SCAI: variants seen among roughly 807,000 people sequenced by gnomAD.
SCAI encodes the protein suppressor of cancer cell invasion, also known as protein SCAI.
A neutral mutation model predicts 92.2 loss-of-function variants in SCAI; 24 were observed. The observed-to-expected ratio is 0.26, with a 90% CI of 0.19 to 0.37. The LOEUF is 0.37. Among genes scored for constraint, SCAI ranks in the 10% least tolerant of loss-of-function variants. The pLI is 1.00. For synonymous variants in SCAI, 261 were observed against 258.6 expected (o/e 1.01, Z -0.09); for missense variants, 450 against 736.2 (o/e 0.61, Z 4.50).
At chr9:125,022,157 C>T (rs1404614391) in intron 6 of SCAI, among the ~76,000 whole-genome samples, 3 of 151,994 alleles carry the variant, frequency 2.0e-5, no homozygotes, top group Non-Finnish European at 2.9e-5. Context: ...TTCCCATGTA[C>T]ATCAGATCAT....
intron 3 of SCAI, among the ~76,000 whole-genome samples, chr9:125,031,725 A>G (rs1833078199): frequency 6.6e-6 from 1 of 152,116 alleles, no homozygotes; most frequent in Non-Finnish European, 1.5e-5. Flanking sequence ...TAAAGGTCCT[A>G]TATTTCCTGG....
At chr9:125,140,901 G>A (rs972299) in intron 2 of SCAI, among the ~76,000 whole-genome samples, 67,223 of 151,034 alleles carry the variant, frequency 0.45, 15,272 homozygotes, top group East Asian at 0.53. Context: ...CTAAAATATT[G>A]TCTCACTATG....
intron 2 of SCAI, among the ~76,000 whole-genome samples, chr9:125,087,907 A>G (rs996625301): frequency 2.6e-5 from 4 of 152,220 alleles, no homozygotes; most frequent in Non-Finnish European, 5.9e-5. Context: ...GTGAGTGTGG[A>G]TATACACAAA....
intron 2 of SCAI, among the ~76,000 whole-genome samples, chr9:125,131,763 T>G (rs1399650413): frequency 6.6e-6 from 1 of 152,234 alleles, no homozygotes; most frequent in Non-Finnish European, 1.5e-5. Flanking sequence ...CTGCATTTGC[T>G]GTACGGATGT....
chr9:125,062,760 G>A (rs1353600482), intron 2 of SCAI, among the ~76,000 whole-genome samples: 3 of 151,912 alleles, frequency 2.0e-5, no homozygotes, highest in Admixed American at 6.6e-5. Context: ...GGTGGCTCAC[G>A]CCTGTAATCT....
chr9:125,055,548 T>C (rs1328677168), intron 3 of SCAI, among the ~76,000 whole-genome samples: 1 of 152,202 alleles, frequency 6.6e-6, no homozygotes, highest in Non-Finnish European at 1.5e-5. Context: ...CACATTCAAT[T>C]GCATATGCAT....
intron 2 of SCAI, among the ~76,000 whole-genome samples, chr9:125,125,228 AT>A (rs1835236143): frequency 6.6e-6 from 1 of 152,006 alleles, no homozygotes. Flanking sequence ...CTTAAAAAAA[AT>A]AAAATTAAAT....
At chr9:125,056,551 T>C (rs1833671755) in intron 2 of SCAI, among the ~76,000 whole-genome samples, 1 of 152,202 alleles carries the variant, frequency 6.6e-6, no homozygotes, top group South Asian at 2.1e-4. Flanking sequence ...AAGCAATTTT[T>C]ATAATATCCT....
intron 17 of SCAI, among the ~76,000 whole-genome samples, chr9:124,964,096 T>C (rs1007574561): frequency 6.6e-6 from 1 of 152,188 alleles, no homozygotes; most frequent in Non-Finnish European, 1.5e-5. Flanking sequence ...TTCATTTCAG[T>C]GTCCATTATC....
chr9:125,125,325 T>G (rs1405512638), intron 2 of SCAI, among the ~76,000 whole-genome samples: 1 of 152,050 alleles, frequency 6.6e-6, no homozygotes. Context: ...GAGGTCAGGA[T>G]CCAGACTAGG....
At chr9:125,139,827 G>A (rs540412031) in intron 2 of SCAI, among the ~76,000 whole-genome samples, 1 of 152,166 alleles carries the variant, frequency 6.6e-6, no homozygotes, top group African/African-American at 2.4e-5. Context: ...TGGCAGTGGG[G>A]TAATGAGAGT....
At chr9:125,052,570 G>A (rs568425602) in intron 3 of SCAI, among the ~76,000 whole-genome samples, 1 of 151,992 alleles carries the variant, frequency 6.6e-6, no homozygotes, top group East Asian at 1.9e-4. Flanking sequence ...GTTGCAGTGA[G>A]CAAGATCGCA....
chr9:125,069,076 G>C (rs1206354480), intron 2 of SCAI, among the ~76,000 whole-genome samples: 1 of 151,786 alleles, frequency 6.6e-6, no homozygotes, highest in Non-Finnish European at 1.5e-5. Flanking sequence ...AAATTAGCCA[G>C]GCCTGGTGGC....
At chr9:125,026,230 C>T (rs565196220) in intron 6 of SCAI, among the ~76,000 whole-genome samples, 4 of 152,014 alleles carry the variant, frequency 2.6e-5, no homozygotes, top group Admixed American at 1.3e-4. Flanking sequence ...AAAAATTAGC[C>T]GGGGGTGGTG....
In SCAI at chr9:125,143,473, G is replaced by C; in HGVS notation, c.-36C>G. ...CTCCGCCGCGGGAGCTGCTCCGGCGGCCGCAGGGCTCGCTCGGGAAGCTGA... is the reference window on the plus strand; with the variant it reads ...CTCCGCCGCGGGAGCTGCTCCGGCGCCCGCAGGGCTCGCTCGGGAAGCTGA... On this transcript the variant is annotated 5_prime_UTR_variant, in exon 1 of 18. Transcript: ENST00000336505. The C allele has an allele frequency of 7.5e-7, 1 of 1,334,594 alleles. No homozygotes were observed. Among genetic ancestry groups the C allele is most frequent in the Non-Finnish European group, 9.6e-7 (1 of 1,042,506 alleles). 82.7% of individuals were successfully genotyped at this position (1,334,594 alleles called of 1,614,324 possible).
At chr9:125,020,861 CT>C in intron 6 of SCAI, 92 bp from the exon 7 acceptor site, 1 of 577,794 alleles carries the variant, frequency 1.7e-6, no homozygotes, top group Non-Finnish European at 3.0e-6. Flanking sequence ...AACTCTTTCC[CT>C]CCTTTTCTGC....
chr9:125,034,718 A>G (rs1166338114), intron 3 of SCAI, among the ~76,000 whole-genome samples: 1 of 152,206 alleles, frequency 6.6e-6, no homozygotes, highest in African/African-American at 2.4e-5. Flanking sequence ...ACTGTACTCT[A>G]GCATGGGCAA....
intron 3 of SCAI, among the ~76,000 whole-genome samples, chr9:125,032,160 T>C (rs1251016405): frequency 7.0e-6 from 1 of 143,798 alleles, no homozygotes; most frequent in Non-Finnish European, 1.5e-5. Flanking sequence ...AAATGTTTAA[T>C]AGTAAAATGA....
chr9:125,086,431 A>T (rs1834327816), intron 2 of SCAI, among the ~76,000 whole-genome samples: 1 of 152,200 alleles, frequency 6.6e-6, no homozygotes, highest in Non-Finnish European at 1.5e-5. Flanking sequence ...AATGCTGGGA[A>T]ACCTCATCAC....
Sources: allele counts gnomAD v4.1 joint callset (sites outside exome capture counted in the v4.1 genomes callset), GRCh38; gene constraint gnomAD v4.1.1; transcripts MANE v1.5; gene names NCBI Gene and HGNC (gene_info 2026-07-23, HGNC 2026-07-21).